Variants in REEP1 observed in about 807,000 individuals in gnomAD.
REEP1 encodes the protein receptor expression-enhancing protein 1.
REEP1 carries 22 observed loss-of-function variants against 40.3 expected under a neutral mutation model. That is an observed-to-expected ratio of 0.55 (90% CI 0.39 to 0.78). The LOEUF (loss-of-function observed/expected upper bound fraction) is 0.78. Among genes scored for constraint, REEP1 ranks in the 30% least tolerant of loss-of-function variants. REEP1 has a pLI of 0.00. For missense variants in REEP1, 280 were observed against 361.1 expected (o/e 0.78, Z 1.82); for synonymous variants, 116 against 139.2 (o/e 0.83, Z 1.17).
Position 86,220,706 on chromosome 2 carries a change from TG to T in REEP1, c.632-586del, listed in dbSNP as rs1197714156. ...AACAAAGCTATATAGTTTTTTTGTTTGTTTTTTTTTTTGCGAAGGCCCAGTC... is the reference window on the plus strand; with the variant it reads ...AACAAAGCTATATAGTTTTTTTGTTTTTTTTTTTTTTGCGAAGGCCCAGTC... On this transcript the variant is annotated intron_variant, in intron 7 of 8. Transcript: ENST00000538924. 1.0e-4 allele frequency among the ~76,000 whole-genome samples: 7 copies of T among 69,276 alleles called. 1 individual carries two copies. In the South Asian group the frequency reaches 3.5e-3, roughly 34 times the overall value. The allele number at this position is 69,276 out of a possible 152,430, so 45.4% of individuals were successfully genotyped here.
intron 1 of REEP1, among the ~76,000 whole-genome samples, chr2:86,314,610 G>A (rs995189599): frequency 1.3e-5 from 2 of 151,624 alleles, no homozygotes; most frequent in East Asian, 2.0e-4. Flanking sequence ...CCACAGGAAC[G>A]GACCAGCCAA....
At chr2:86,285,046 C>A (rs1326391731) in intron 1 of REEP1, among the ~76,000 whole-genome samples, 1 of 152,216 alleles carries the variant, frequency 6.6e-6, no homozygotes, top group Non-Finnish European at 1.5e-5. Flanking sequence ...GCCAAAAGGG[C>A]TTGGTACTTC....
intron 1 of REEP1, among the ~76,000 whole-genome samples, chr2:86,295,821 G>T (rs1254364536): frequency 1.3e-5 from 2 of 152,130 alleles, no homozygotes; most frequent in African/African-American, 2.4e-5. Context: ...TTACAGGCGT[G>T]AGCCACCGCG....
intron 1 of REEP1, among the ~76,000 whole-genome samples, chr2:86,286,183 C>A (rs1395887686): frequency 6.6e-6 from 1 of 152,204 alleles, no homozygotes; most frequent in Non-Finnish European, 1.5e-5. Context: ...CACCCACCTC[C>A]TCCACAGCTG....
chr2:86,286,347 G>A lies in REEP1; in HGVS notation c.33-4105C>T, dbSNP rs143226692. Among the ~76,000 whole-genome samples the A allele has an allele frequency of 9.9e-3, 1,509 of 152,286 alleles. 38 individuals are homozygous for A. The highest frequency in any genetic ancestry group is 0.034 in the African/African-American group (1,406 of 41,548). The stretch of plus-strand genomic sequence containing the variant: ...GTGCTACTGGCAGCCAGTGAGTAGA[G>A]GCCAGGGATGCTGCGAAACATCCTA... On this transcript the variant is annotated intron_variant, in intron 1 of 8. Transcript: ENST00000538924.
rs558462878 is a variant in REEP1 at position 86,307,161 on chromosome 2, G to A, written c.33-24919C>T. ...GGAGGTTGCAGTGAGCCGAGATCAC[G>A]CCATTGTACTCCAGCCTGGGCAACA... On this transcript the variant is annotated intron_variant, in intron 1 of 8. Transcript: ENST00000538924. Among the ~76,000 whole-genome samples the A allele has an allele frequency of 1.3e-4, 20 of 149,754 alleles. No individual in the cohort carries two copies. In the East Asian group the frequency reaches 2.8e-3, roughly 21 times the overall value.
intron 3 of REEP1, among the ~76,000 whole-genome samples, chr2:86,257,514 C>T (rs1676628390): frequency 6.6e-6 from 1 of 152,174 alleles, no homozygotes; most frequent in South Asian, 2.1e-4. Flanking sequence ...GAGTTGCCCC[C>T]AACACACAGA....
chr2:86,272,675 G>T (rs1677521961), intron 2 of REEP1, among the ~76,000 whole-genome samples: 1 of 152,090 alleles, frequency 6.6e-6, no homozygotes. Context: ...CCACCCTCTT[G>T]TATTTTTCTT....
At chr2:86,297,983 C>A (rs1274240391) in intron 1 of REEP1, among the ~76,000 whole-genome samples, 1 of 152,182 alleles carries the variant, frequency 6.6e-6, no homozygotes, top group East Asian at 1.9e-4. Flanking sequence ...ACTTCCCACC[C>A]CAACTGGTCC....
chr2:86,276,705 G>A (rs1019818668), intron 2 of REEP1, among the ~76,000 whole-genome samples: 2 of 152,116 alleles, frequency 1.3e-5, no homozygotes, highest in African/African-American at 4.8e-5. Flanking sequence ...GAATCTAAAG[G>A]TGCAGGAACC....
chr2:86,236,580 G>A (rs765093275), intron 5 of REEP1, among the ~76,000 whole-genome samples: 2 of 152,112 alleles, frequency 1.3e-5, no homozygotes, highest in Non-Finnish European at 2.9e-5. Flanking sequence ...GGAGGATGAG[G>A]GGGGAGGATT....
intron 1 of REEP1, among the ~76,000 whole-genome samples, chr2:86,292,058 C>A (rs1472961994): frequency 1.3e-5 from 2 of 152,176 alleles, no homozygotes; most frequent in African/African-American, 4.8e-5. Context: ...AGCAACCCAG[C>A]TTTATTGTGT....
chr2:86,259,222 A>T (rs1013947011), intron 3 of REEP1, among the ~76,000 whole-genome samples: 2 of 150,682 alleles, frequency 1.3e-5, no homozygotes, highest in Admixed American at 1.3e-4. Context: ...CCTCGGAGGC[A>T]GAGATTGCAG....
At chr2:86,295,997 G>A (rs1311366414) in intron 1 of REEP1, among the ~76,000 whole-genome samples, 1 of 151,896 alleles carries the variant, frequency 6.6e-6, no homozygotes, top group Non-Finnish European at 1.5e-5. Context: ...AACAGAAAGA[G>A]GTAGCTCTGA....
intron 2 of REEP1, among the ~76,000 whole-genome samples, chr2:86,276,028 G>A (rs72940126): frequency 0.067 from 10,226 of 152,230 alleles, 530 homozygotes; most frequent in African/African-American, 0.13. Context: ...GCATGAGATG[G>A]CCAGGTCTGT....
At chr2:86,282,391 T>C in intron 1 of REEP1, 149 bp from the exon 2 acceptor site, 1 of 671,078 alleles carries the variant, frequency 1.5e-6, no homozygotes, top group Non-Finnish European at 2.7e-6. Flanking sequence ...CCTGAAGGTG[T>C]TCTGCTCGTG....
chr2:86,279,394 T>A (rs12052607), intron 2 of REEP1, among the ~76,000 whole-genome samples: 1 of 152,042 alleles, frequency 6.6e-6, no homozygotes, highest in African/African-American at 2.4e-5. Context: ...AAATAGACTT[T>A]CATTTTTAAA....
At chr2:86,308,492 T>C (rs1259663015) in intron 1 of REEP1, among the ~76,000 whole-genome samples, 3 of 152,162 alleles carry the variant, frequency 2.0e-5, no homozygotes, top group Non-Finnish European at 4.4e-5. Context: ...CAGGCGAAGG[T>C]TGCAGTGAGC....
intron 4 of REEP1, among the ~76,000 whole-genome samples, chr2:86,252,523 G>T (rs1381003855): frequency 6.6e-6 from 1 of 152,132 alleles, no homozygotes; most frequent in East Asian, 1.9e-4. Flanking sequence ...TGAAAAACGA[G>T]GATAATGATA....
Sources: allele counts gnomAD v4.1 joint callset (sites outside exome capture counted in the v4.1 genomes callset), GRCh38; gene constraint gnomAD v4.1.1; transcripts MANE v1.5; gene names NCBI Gene and HGNC (gene_info 2026-07-23, HGNC 2026-07-21).